Variants in SYNE2 observed in about 807,000 individuals in gnomAD.
SYNE2 encodes spectrin repeat containing nuclear envelope protein 2, also known as nesprin-2.
In SYNE2, 431 loss-of-function variants were observed where a neutral mutation model predicts 856.3. That is an observed-to-expected ratio of 0.50 (90% CI 0.47 to 0.55). The LOEUF (loss-of-function observed/expected upper bound fraction) is 0.55. SYNE2 is among the 20% of genes least tolerant of loss of function. SYNE2 has a pLI of 0.00. For missense variants in SYNE2, 8,129 were observed against 8,023.2 expected, an observed-to-expected ratio of 1.01 and a Z score of -0.50; for synonymous variants, 2,923 against 2,872.3, an observed-to-expected ratio of 1.02 and a Z score of -0.56.
In SYNE2 at chr14:64,089,661, G is replaced by T; in HGVS notation, c.11758G>T (p.Asp3920Tyr). The change falls in exon 59 of 116, where the codon GAT becomes TAT. Residue 3920 changes from aspartate to tyrosine, a missense_variant. Physicochemically the swap from Asp to Tyr is radical, Grantham distance 160. This residue lies in a region of SYNE2 where 5,410 missense variants were observed against 5,284.8 expected (regional missense o/e 1.02). Coordinates refer to ENST00000555002, the MANE Select transcript of SYNE2 (RefSeq NM_182914.3). ...KTILLSKEIF[D>Y]FSPEEHLKHG... The stretch of plus-strand genomic sequence containing the variant: ...TATCCTATTATCAAAAGAAATATTT[G>T]ATTTTTCACCTGAAGAACATCTCAA... 2 of 1,599,064 alleles carry T rather than the reference G, an allele frequency of 1.3e-6. No homozygotes were observed. Among genetic ancestry groups the T allele is most frequent in the Non-Finnish European group, 1.7e-6 (2 of 1,167,228 alleles).
chr14:63,926,701 C>T (rs749393285), intron 2 of SYNE2, among the ~76,000 whole-genome samples: 3 of 152,172 alleles, frequency 2.0e-5, no homozygotes, highest in African/African-American at 7.2e-5. Flanking sequence ...CTATTGTCCC[C>T]ATTTTCAAAT....
chr14:64,077,294 G>A (rs1268172685), intron 54 of SYNE2, among the ~76,000 whole-genome samples: 3 of 152,110 alleles, frequency 2.0e-5, no homozygotes, highest in African/African-American at 4.8e-5. Flanking sequence ...ATTTCTGCCA[G>A]GAGAATAAGT....
intron 11 of SYNE2, among the ~76,000 whole-genome samples, chr14:63,974,719 A>G (rs903510726): frequency 6.7e-6 from 1 of 149,728 alleles, no homozygotes; most frequent in Non-Finnish European, 1.5e-5. Flanking sequence ...CCACCATGCC[A>G]GCATACATAT....
chr14:64,187,397 T>C (rs2139528937), intron 97 of SYNE2, among the ~76,000 whole-genome samples: 1 of 152,216 alleles, frequency 6.6e-6, no homozygotes, highest in African/African-American at 2.4e-5. Flanking sequence ...CAAAAGAAAA[T>C]GTTTAGAATA....
At chr14:63,773,234 C>G (rs1886986902) in intron 1 of SYNE2, among the ~76,000 whole-genome samples, 1 of 152,224 alleles carries the variant, frequency 6.6e-6, no homozygotes, top group Non-Finnish European at 1.5e-5. Flanking sequence ...GGGTCTCACT[C>G]TGTCACCCAG....
chr14:64,181,507 C>T (rs1381995420), intron 96 of SYNE2, among the ~76,000 whole-genome samples: 6 of 152,148 alleles, frequency 3.9e-5, no homozygotes, highest in Non-Finnish European at 5.9e-5. Flanking sequence ...TCAGCTTTCA[C>T]GGTCTCAGCA....
intron 93 of SYNE2, among the ~76,000 whole-genome samples, chr14:64,169,581 AT>A (rs2098400389): frequency 6.6e-6 from 1 of 152,166 alleles, no homozygotes; most frequent in South Asian, 2.1e-4. Context: ...AATGGGTATG[AT>A]TTTTCTTCCA....
chr14:63,972,680 T>C (rs2096488573), intron 11 of SYNE2, among the ~76,000 whole-genome samples: 1 of 152,236 alleles, frequency 6.6e-6, no homozygotes, highest in African/African-American at 2.4e-5. Flanking sequence ...AAGTGTTAAG[T>C]GAGAAAGAAG....
At position 64,224,540 on chromosome 14, in the gene SYNE2, G is replaced by T; in HGVS notation, c.20462G>T (p.Arg6821Leu). 1.9e-6 allele frequency: 3 copies of T among 1,614,026 alleles called. No individual in the cohort carries two copies. The highest frequency in any genetic ancestry group is 2.2e-5 in the East Asian group (1 of 44,884). ...CCTGCAACATCCGTGCCAGCTCCCC[G>T]AGCAAAGGTAAGAAGCCCCTTCCTT... ...QPPATSVPAPRAKFRAVRTTE... is the reference protein window; with the variant it reads ...QPPATSVPAPLAKFRAVRTTE... The change falls in exon 114 of 116, where the codon CGA (arginine) becomes CTA (leucine). Residue 6821 changes from arginine (R) to leucine (L), a missense_variant. Physicochemically the swap from Arg to Leu is moderately radical, Grantham distance 102. Transcript: ENST00000555002.
At chr14:64,208,267 C>T (rs971418234) in intron 100 of SYNE2, 1 of 422,950 alleles carries the variant, frequency 2.4e-6, no homozygotes, top group Non-Finnish European at 4.7e-6. Flanking sequence ...TGGGCATCCA[C>T]ACTGCTGCAT....
intron 99 of SYNE2, chr14:64,190,713 G>T (rs1052613612): frequency 4.5e-6 from 3 of 672,866 alleles, no homozygotes; most frequent in East Asian, 5.4e-5. Flanking sequence ...AAGTGTGTGG[G>T]CTCAGAGTGC....
intron 1 of SYNE2, among the ~76,000 whole-genome samples, chr14:63,905,914 A>G (rs904779597): frequency 5.3e-5 from 8 of 152,186 alleles, no homozygotes; most frequent in African/African-American, 1.4e-4. Flanking sequence ...TGCCCGTTGA[A>G]TATGATGTTG....
chr14:63,986,420 C>G (rs761813388), intron 18 of SYNE2, 36 bp from the exon 19 acceptor site: 8 of 1,611,630 alleles, frequency 5.0e-6, no homozygotes, highest in Non-Finnish European at 3.4e-6. Context: ...TATGTACATG[C>G]TGACATTTTC....
At position 64,081,617 on chromosome 14, in the gene SYNE2, T is replaced by C. The variant is rs376977043; in HGVS notation, c.11484+37T>C. ...TCCAGGTTTTCTGCCACTCATAGCA[T>C]CTACATAAAGATTCGTGGCTTAGCT... On this transcript the variant is annotated intron_variant, in intron 57 of 115. Transcript: ENST00000555002. 3.0e-5 allele frequency: 49 copies of C among 1,611,410 alleles called. No individual in the cohort carries two copies. The African/African-American group carries it at 6.3e-4, about 21-fold the overall frequency.
At chr14:63,983,676 A>G in intron 17 of SYNE2, 61 bp from the exon 18 acceptor site, 1 of 1,355,944 alleles carries the variant, frequency 7.4e-7, no homozygotes, top group Non-Finnish European at 1.0e-6. Context: ...TACTGTTTGT[A>G]ATGTATATTA....
intron 1 of SYNE2, among the ~76,000 whole-genome samples, chr14:63,887,471 G>A (rs1566715124): frequency 6.6e-6 from 1 of 152,162 alleles, no homozygotes; most frequent in African/African-American, 2.4e-5. Context: ...GGTCCCTGGG[G>A]AAGGTGTTCA....
At chr14:63,942,375 G>A (rs530417797) in intron 6 of SYNE2, among the ~76,000 whole-genome samples, 7 of 152,096 alleles carry the variant, frequency 4.6e-5, no homozygotes, top group East Asian at 1.9e-4. Flanking sequence ...CTGGAGTGCC[G>A]TGGCGCAGTC....
At chr14:64,212,226 T>A in intron 104 of SYNE2, 128 bp downstream of exon 104, 1 of 1,456,532 alleles carries the variant, frequency 6.9e-7, no homozygotes. Flanking sequence ...CCAGGCTACA[T>A]CCCACCTGTG....
intron 109 of SYNE2, 151 bp downstream of exon 109, chr14:64,218,663 C>T (rs1348590233): frequency 1.5e-5 from 11 of 752,374 alleles, no homozygotes; most frequent in African/African-American, 3.5e-5. Flanking sequence ...TTTAAATCAG[C>T]GATTGGCATT....
Sources: gnomAD v4.1 joint callset for allele counts (sites outside exome capture counted in the v4.1 genomes callset) on GRCh38, gnomAD v4.1.1 for gene constraint, gnomAD v4.1.1 regional missense constraint, MANE v1.5 for transcripts, NCBI Gene and HGNC (gene_info 2026-07-23, HGNC 2026-07-21) for gene names.